XRRA1: variants seen among roughly 807,000 people sequenced by gnomAD.
XRRA1 encodes X-ray radiation resistance associated 1.
In XRRA1, 69 loss-of-function variants were observed where a neutral mutation model predicts 80.2. The ratio of observed to expected loss-of-function variants is 0.86; its 90% CI spans 0.71 to 1.05. XRRA1 has a LOEUF of 1.05. XRRA1 is among the 50% of genes least tolerant of loss of function. XRRA1 has a pLI of 0.00. For synonymous variants in XRRA1, 348 were observed against 389.9 expected, an observed-to-expected ratio of 0.89 and a Z score of 1.27; for missense variants, 967 against 976.4, an observed-to-expected ratio of 0.99 and a Z score of 0.13.
chr11:74,933,566 T>A (rs945188005), intron 5 of XRRA1: 8 of 410,428 alleles, frequency 1.9e-5, no homozygotes, highest in African/African-American at 1.6e-4. Context: ...CATAAGGCAA[T>A]TTTCTTTAAT....
intron 1 of XRRA1, among the ~76,000 whole-genome samples, chr11:74,947,904 T>C (rs1947929054): frequency 6.6e-6 from 1 of 152,126 alleles, no homozygotes; most frequent in Admixed American, 6.5e-5. Flanking sequence ...TTTGTATTTT[T>C]AGTAGAGACG....
rs1263480390 is a variant in XRRA1 at position 74,843,332 on chromosome 11, G to A, written c.2271C>T (p.Arg757=). 4 of 1,608,798 alleles carry A rather than the reference G, an allele frequency of 2.5e-6. No homozygotes were observed. Among genetic ancestry groups the A allele is most frequent in the Admixed American group, 1.7e-5 (1 of 59,270 alleles). ...RYRQLVSGSL[R]TVFGTTPLPM... ...GGAGCGGGGTAGTCCCGAACACTGTGCGCAGAGAGCCACTCACCAGCTGCC... is the reference window on the plus strand; with the variant it reads ...GGAGCGGGGTAGTCCCGAACACTGTACGCAGAGAGCCACTCACCAGCTGCC... Residue 757 remains arginine, a synonymous_variant, in exon 19 of 19, where the codon CGC becomes CGT. Coordinates refer to ENST00000684022, the MANE Select transcript of XRRA1 (RefSeq NM_001378157.1).
intron 3 of XRRA1, among the ~76,000 whole-genome samples, chr11:74,937,676 T>C (rs1295028375): frequency 1.3e-5 from 2 of 152,002 alleles, no homozygotes; most frequent in Non-Finnish European, 2.9e-5. Context: ...AAAAAGAATA[T>C]GAGGTTTACT....
rs370921187 is a variant in XRRA1, at chr11:74,843,169, C to T, written c.*31G>A. ...CCTCGGGGAGAGCTGGGGCACAGGC[C>T]GGGTGGTGCACACAGCCCCCATGCA... On this transcript the variant is annotated 3_prime_UTR_variant, in exon 19 of 19. Coordinates refer to ENST00000684022, the MANE Select transcript of XRRA1 (RefSeq NM_001378157.1). 7.8e-6 allele frequency: 12 copies of T among 1,532,746 alleles called. No homozygotes were observed. The highest frequency in any genetic ancestry group is 2.5e-5 in the East Asian group (1 of 40,648). The allele number at this position is 1,532,746 out of a possible 1,614,324, so 94.9% of individuals were successfully genotyped here.
At chr11:74,930,700 T>C (rs1361139578) in intron 5 of XRRA1, among the ~76,000 whole-genome samples, 1 of 152,196 alleles carries the variant, frequency 6.6e-6, no homozygotes, top group Non-Finnish European at 1.5e-5. Context: ...TTATATAGGG[T>C]GAACCACCAC....
intron 10 of XRRA1, among the ~76,000 whole-genome samples, chr11:74,879,394 A>C (rs987715388): frequency 1.2e-4 from 19 of 152,168 alleles, no homozygotes; most frequent in Non-Finnish European, 2.1e-4. Context: ...TAGATATACA[A>C]TTATGTTGTC....
chr11:74,845,049 G>C (rs933146970), intron 16 of XRRA1, 24 bp downstream of exon 16: 1 of 1,610,728 alleles, frequency 6.2e-7, no homozygotes, highest in African/African-American at 1.3e-5. Context: ...TCTTGCCCTA[G>C]AGCAAGGATA....
At chr11:74,944,806 A>G (rs1947168214) in intron 2 of XRRA1, among the ~76,000 whole-genome samples, 1 of 152,240 alleles carries the variant, frequency 6.6e-6, no homozygotes, top group South Asian at 2.1e-4. Flanking sequence ...ATTTATATTC[A>G]GTCAATATGT....
chr11:74,842,700 A>G lies in XRRA1; in HGVS notation c.*500T>C, dbSNP rs2036746182. ...ATTCATGCTCCTAATGAAGGAACCA[A>G]GAAAGAGTCTGAGTAAAGAACGAAT... is the stretch of plus-strand genomic sequence containing the variant. On this transcript the variant is annotated 3_prime_UTR_variant, in exon 19 of 19. Coordinates refer to ENST00000684022, the MANE Select transcript of XRRA1 (RefSeq NM_001378157.1). 6.5e-6 allele frequency: 1 copy of G among 154,754 alleles called. No individual in the cohort carries two copies. Among genetic ancestry groups the G allele is most frequent in the African/African-American group, 2.4e-5 (1 of 41,520 alleles). 9.6% of individuals were successfully genotyped at this position (154,754 alleles called of 1,614,324 possible).
At chr11:74,907,779 GA>G (rs2054963814) in intron 8 of XRRA1, among the ~76,000 whole-genome samples, 2 of 152,284 alleles carry the variant, frequency 1.3e-5, no homozygotes, top group South Asian at 4.1e-4. Flanking sequence ...TGGCTGCAGT[GA>G]GGCTCTCTTC....
intron 8 of XRRA1, among the ~76,000 whole-genome samples, chr11:74,911,062 C>T (rs536101716): frequency 8.6e-5 from 13 of 151,938 alleles, no homozygotes; most frequent in Admixed American, 6.6e-4. Flanking sequence ...AGAAGACTTG[C>T]GAAGAGGAGG....
At chr11:74,943,102 C>G (rs1339162795) in intron 2 of XRRA1, among the ~76,000 whole-genome samples, 1 of 152,162 alleles carries the variant, frequency 6.6e-6, no homozygotes, top group Admixed American at 6.5e-5. Context: ...ATAAAAAGAG[C>G]ACAAAAGAAA....
At chr11:74,910,108 A>G (rs2055523425) in intron 8 of XRRA1, 1 of 152,280 alleles carries the variant, frequency 6.6e-6, no homozygotes, top group Admixed American at 6.5e-5. Context: ...GGCTGCAACA[A>G]ACAAGATGAA....
intron 10 of XRRA1, among the ~76,000 whole-genome samples, chr11:74,878,175 T>A (rs1565298872): frequency 6.6e-6 from 1 of 151,922 alleles, no homozygotes; most frequent in African/African-American, 2.4e-5. Context: ...TGAGATGGTA[T>A]CTCATTGTGG....
At chr11:74,887,418 T>C (rs1189879681) in intron 10 of XRRA1, among the ~76,000 whole-genome samples, 1 of 152,034 alleles carries the variant, frequency 6.6e-6, no homozygotes, top group Non-Finnish European at 1.5e-5. Context: ...GAACAGATAC[T>C]TTTCAAAAGA....
intron 10 of XRRA1, among the ~76,000 whole-genome samples, chr11:74,890,155 A>G (rs1319933731): frequency 1.3e-5 from 2 of 152,364 alleles, no homozygotes; most frequent in South Asian, 4.1e-4. Context: ...TTGGAAGTAA[A>G]GCACTCATCA....
At chr11:74,881,014 C>G (rs1374786398) in intron 10 of XRRA1, among the ~76,000 whole-genome samples, 2 of 144,988 alleles carry the variant, frequency 1.4e-5, no homozygotes, top group Admixed American at 6.9e-5. Flanking sequence ...TCCTGGGTAT[C>G]CTTGTTGACT....
intron 3 of XRRA1, 101 bp downstream of exon 3, chr11:74,940,684 G>T: frequency 1.1e-6 from 1 of 938,764 alleles, no homozygotes; most frequent in Non-Finnish European, 1.7e-6. Flanking sequence ...GTAGAGCAGG[G>T]AACAGTAGTG....
chr11:74,884,737 A>G (rs1315930358), intron 10 of XRRA1, among the ~76,000 whole-genome samples: 1 of 152,192 alleles, frequency 6.6e-6, no homozygotes, highest in Non-Finnish European at 1.5e-5. Flanking sequence ...CCTAGACAAC[A>G]GGGCTGCTTC....
Sources: gnomAD v4.1 joint callset for allele counts (sites outside exome capture counted in the v4.1 genomes callset) on GRCh38, gnomAD v4.1.1 for gene constraint, MANE v1.5 for transcripts, NCBI Gene and HGNC (gene_info 2026-07-23, HGNC 2026-07-21) for gene names.